Variants in JPH3 observed in about 807,000 individuals in gnomAD.
JPH3 encodes the protein junctophilin-3.
JPH3 carries 11 observed loss-of-function variants against 59.6 expected under a neutral mutation model. The ratio of observed to expected loss-of-function variants is 0.18; its 90% confidence interval spans 0.12 to 0.31. The LOEUF (loss-of-function observed/expected upper bound fraction) is 0.31, where lower values mean the gene tolerates loss of function less well. JPH3 is among the 10% of genes least tolerant of loss of function. JPH3 has a pLI of 1.00. For synonymous variants in JPH3, 673 were observed against 483.6 expected, an observed-to-expected ratio of 1.39 and a Z score of -5.14; for missense variants, 1,202 against 1,105.7, an observed-to-expected ratio of 1.09 and a Z score of -1.24.
At chr16:87,683,969 TTGAA>T (rs554450413) in intron 2 of JPH3, 169 bp from the exon 3 acceptor site, 45 of 606,366 alleles carry the variant, frequency 7.4e-5, no homozygotes, top group African/African-American at 3.5e-4. Flanking sequence ...GTGATGTTTA[TTGAA>T]TGAATGAATG....
chr16:87,638,484 A>G (rs141570837), intron 1 of JPH3, among the ~76,000 whole-genome samples: 41 of 152,288 alleles, frequency 2.7e-4, no homozygotes, highest in African/African-American at 9.6e-4. Context: ...AGGACTGTAC[A>G]GAGCACTTGA....
In JPH3 at chr16:87,668,844, C is replaced by T. The variant is rs182983813; in HGVS notation, c.1161-15298C>T. 1.5e-3 allele frequency among the ~76,000 whole-genome samples: 223 copies of T among 152,292 alleles called. 2 individuals carry two copies. The highest frequency in any genetic ancestry group is 5.1e-3 in the African/African-American group (211 of 41,554). ...TGGGGAGGGATGTCCCTGTGGAGCC[C>T]TAACTGGGACCCAGACAGCCCTACC... On this transcript the variant is annotated intron_variant, in intron 2 of 4. Coordinates refer to ENST00000284262, the MANE Select transcript of JPH3 (RefSeq NM_020655.4).
Position 87,603,482 on chromosome 16 carries a change from C to T in JPH3, c.336C>T (p.Ser112=), listed in dbSNP as rs1035396868. Reference sequence around the variant, plus strand: ...GGGCCAAATACGAAGGGACCTGGAGCAACGGGCTGCAGGACGGCTACGGGA... The same window carrying T: ...GGGCCAAATACGAAGGGACCTGGAGTAACGGGCTGCAGGACGGCTACGGGA... ...GNGAKYEGTW[S]NGLQDGYGTE... is the part of the protein sequence containing the mutation. The change falls in exon 1 of 5, where the codon AGC becomes AGT. Residue 112 remains serine, a synonymous_variant. Coordinates refer to ENST00000284262, the MANE Select transcript of JPH3 (RefSeq NM_020655.4). The T allele has an allele frequency of 3.2e-6, 5 of 1,554,980 alleles. No individual in the cohort carries two copies. The highest frequency in any genetic ancestry group is 4.3e-6 in the Non-Finnish European group (5 of 1,150,074).
intron 1 of JPH3, among the ~76,000 whole-genome samples, chr16:87,615,968 A>G (rs2030941629): frequency 6.6e-6 from 1 of 152,012 alleles, no homozygotes; most frequent in Non-Finnish European, 1.5e-5. Flanking sequence ...TGGTGTGGAG[A>G]GAGGGAAGAA....
rs752794063 is a variant in JPH3, at chr16:87,690,470, T to C, written c.2110T>C (p.Leu704=). Residue 704 remains leucine (L), a synonymous_variant, in exon 4 of 5, where the codon TTG becomes CTG. Transcript: ENST00000284262. The part of the protein sequence containing the change: ...DLTFSPPQKS[L]PVALESDEEN... ...GACCTTCTCCCCGCCCCAGAAATCCTTGCCTGTCGCTCTAGAGTCCGACGA... is the reference window on the plus strand; with the variant it reads ...GACCTTCTCCCCGCCCCAGAAATCCCTGCCTGTCGCTCTAGAGTCCGACGA... The C allele has an allele frequency of 3.4e-6, 5 of 1,487,750 alleles. No homozygotes were observed. The African/African-American group carries it at 7.1e-5, about 21-fold the overall frequency. The allele number at this position is 1,487,750 out of a possible 1,614,324, so 92.2% of individuals were successfully genotyped here.
intron 2 of JPH3, among the ~76,000 whole-genome samples, chr16:87,649,087 G>A (rs2032246901): frequency 2.0e-5 from 3 of 152,232 alleles, no homozygotes; most frequent in Non-Finnish European, 2.9e-5. Context: ...GGTGAAGCTG[G>A]TGGTTCCAGG....
chr16:87,679,294 C>T lies in JPH3; in HGVS notation c.1161-4848C>T, dbSNP rs148750856. Among the ~76,000 whole-genome samples the T allele has an allele frequency of 7.4e-3, 468 of 62,986 alleles. 3 individuals are homozygous for T. Among genetic ancestry groups the T allele is most frequent in the African/African-American group, 0.034 (429 of 12,730 alleles). 41.3% of individuals were successfully genotyped at this position (62,986 alleles called of 152,430 possible). A position where few individuals can be genotyped will look rare whatever the true frequency, so the allele number is the denominator to read the frequency against. ...TGAAAAATGGGGCTGAGGGAAGACTCGGTCTAAAGATAAGAGAGGGGTCAC... is the reference window on the plus strand; with the variant it reads ...TGAAAAATGGGGCTGAGGGAAGACTTGGTCTAAAGATAAGAGAGGGGTCAC... On this transcript the variant is annotated intron_variant, in intron 2 of 4. Coordinates refer to ENST00000284262, the MANE Select transcript of JPH3 (RefSeq NM_020655.4).
chr16:87,657,259 C>T (rs1447706870), intron 2 of JPH3, among the ~76,000 whole-genome samples: 2 of 152,206 alleles, frequency 1.3e-5, no homozygotes, highest in Non-Finnish European at 2.9e-5. Context: ...CTGACACCTG[C>T]CACGGCATGA....
rs9937576 is a variant in JPH3 at position 87,653,347 on chromosome 16, T to A, written c.1160+8312T>A. Among the ~76,000 whole-genome samples the A allele has an allele frequency of 6.2e-3, 947 of 152,082 alleles. 8 individuals carry two copies. Among genetic ancestry groups the A allele is most frequent in the African/African-American group, 0.021 (888 of 41,480 alleles). On this transcript the variant is annotated intron_variant, in intron 2 of 4. Coordinates refer to ENST00000284262, the MANE Select transcript of JPH3 (RefSeq NM_020655.4). Reference sequence around the variant, plus strand: ...CCCTGCCTGTCCCCGCTCTGCTCTCTGCTGTGGCTTGCTGGCTGCAGGGTT... The same window carrying A: ...CCCTGCCTGTCCCCGCTCTGCTCTCAGCTGTGGCTTGCTGGCTGCAGGGTT...
intron 1 of JPH3, among the ~76,000 whole-genome samples, chr16:87,643,041 C>T (rs923952605): frequency 6.6e-6 from 1 of 152,210 alleles, no homozygotes; most frequent in African/African-American, 2.4e-5. Flanking sequence ...CCCTATTCAA[C>T]ACTGACCCCA....
chr16:87,659,637 G>A (rs577533297), intron 2 of JPH3, among the ~76,000 whole-genome samples: 27 of 152,024 alleles, frequency 1.8e-4, no homozygotes, highest in African/African-American at 6.3e-4. Context: ...GGAGGTTGAG[G>A]CAGGAGAATT....
rs60196379 is a variant in JPH3, at chr16:87,663,115, C to CTTT, written c.1160+18089_1160+18091dup. Among the ~76,000 whole-genome samples the CTTT allele has an allele frequency of 3.7e-4, 53 of 143,464 alleles. 2 individuals carry two copies. Among genetic ancestry groups the CTTT allele is most frequent in the Middle Eastern group, 3.4e-3 (1 of 290 alleles). 94.1% of individuals were successfully genotyped at this position (143,464 alleles called of 152,430 possible). A position where few individuals can be genotyped will look rare whatever the true frequency, so the allele number is the denominator to read the frequency against. ...GTATTGTTTCAAGGTTAATTTCTTT[C>CTTT]TTTTTTTTTTTGAGATGGAGTCGCG... On this transcript the variant is annotated intron_variant, in intron 2 of 4. Coordinates refer to ENST00000284262, the MANE Select transcript of JPH3 (RefSeq NM_020655.4).
intron 2 of JPH3, among the ~76,000 whole-genome samples, chr16:87,651,886 A>G (rs1324291893): frequency 6.6e-6 from 1 of 152,272 alleles, no homozygotes; most frequent in Non-Finnish European, 1.5e-5. Flanking sequence ...CTCTACCGTG[A>G]GTCAAATGCT....
intron 4 of JPH3, among the ~76,000 whole-genome samples, chr16:87,692,738 G>C (rs554079312): frequency 1.3e-5 from 2 of 152,342 alleles, no homozygotes; most frequent in East Asian, 3.9e-4. Context: ...TTCCCTCTTG[G>C]TGAAATGATG....
intron 2 of JPH3, among the ~76,000 whole-genome samples, chr16:87,658,780 G>C (rs576121255): frequency 6.6e-6 from 1 of 152,354 alleles, no homozygotes; most frequent in African/African-American, 2.4e-5. Flanking sequence ...CCCTCACCTG[G>C]GGCCTGCTGA....
chr16:87,696,465 C>T lies in JPH3; in HGVS notation c.2167-115C>T, dbSNP rs542985797. 3.2e-4 allele frequency: 269 copies of T among 830,472 alleles called. 2 individuals are homozygous for T. Among genetic ancestry groups the T allele is most frequent in the South Asian group, 3.1e-3 (228 of 72,912 alleles). The allele number at this position is 830,472 out of a possible 1,614,324, so 51.4% of individuals were successfully genotyped here. ...CAAGCGTTTCTAACATCCTCCCGTACGCTTCCACCCCCGAGGGTCTGCTAG... is the reference window on the plus strand; with the variant it reads ...CAAGCGTTTCTAACATCCTCCCGTATGCTTCCACCCCCGAGGGTCTGCTAG... On this transcript the variant is annotated intron_variant, in intron 4 of 4. Coordinates refer to ENST00000284262, the MANE Select transcript of JPH3 (RefSeq NM_020655.4).
chr16:87,677,164 C>G (rs2033162440), intron 2 of JPH3, among the ~76,000 whole-genome samples: 1 of 142,268 alleles, frequency 7.0e-6, no homozygotes, highest in African/African-American at 2.7e-5. Flanking sequence ...ATTATACACA[C>G]ACACACGCAC....
chr16:87,663,933 C>A (rs1474593005), intron 2 of JPH3, among the ~76,000 whole-genome samples: 3 of 152,136 alleles, frequency 2.0e-5, no homozygotes, highest in Admixed American at 2.0e-4. Flanking sequence ...GCAGTGATTT[C>A]TAGGAATGCA....
intron 2 of JPH3, among the ~76,000 whole-genome samples, chr16:87,661,027 T>G (rs976168086): frequency 1.3e-5 from 2 of 152,222 alleles, no homozygotes; most frequent in African/African-American, 4.8e-5. Context: ...TAATGAGATA[T>G]CGTGAGGATG....
Sources: gnomAD v4.1 joint callset for allele counts (sites outside exome capture counted in the v4.1 genomes callset) on GRCh38, gnomAD v4.1.1 for gene constraint, MANE v1.5 for transcripts, NCBI Gene and HGNC (gene_info 2026-07-23, HGNC 2026-07-21) for gene names.